The following PARD3B variants were observed in gnomAD, a reference collection of about 807,000 sequenced individuals.
The protein encoded by PARD3B is par-3 family cell polarity regulator beta.
PARD3B carries 103 observed loss-of-function variants against 130.2 expected under a neutral mutation model. That is an observed-to-expected ratio of 0.79 (90% CI 0.67 to 0.93). PARD3B has a LOEUF of 0.93. Among genes scored for constraint, PARD3B ranks in the 40% least tolerant of loss-of-function variants. The pLI is 0.00. For missense variants in PARD3B, 1,609 were observed against 1,499.2 expected (o/e 1.07, Z -1.21); for synonymous variants, 583 against 553.2 (o/e 1.05, Z -0.76).
intron 18 of PARD3B, among the ~76,000 whole-genome samples, chr2:205,356,584 C>G (rs137950139): frequency 6.6e-6 from 1 of 151,934 alleles, no homozygotes; most frequent in East Asian, 1.9e-4. Context: ...CTCTGCTGAG[C>G]GTACATATAA....
intron 1 of PARD3B, among the ~76,000 whole-genome samples, chr2:204,617,778 T>G (rs13024650): frequency 2.0e-5 from 3 of 152,060 alleles, no homozygotes; most frequent in Non-Finnish European, 4.4e-5. Context: ...CTTCCACTTA[T>G]AAGTGACAGT....
At chr2:204,924,769 A>T (rs1486796730) in intron 2 of PARD3B, among the ~76,000 whole-genome samples, 1 of 152,086 alleles carries the variant, frequency 6.6e-6, no homozygotes, top group Non-Finnish European at 1.5e-5. Context: ...TCACAAACTG[A>T]AATAAGTGAA....
intron 20 of PARD3B, among the ~76,000 whole-genome samples, chr2:205,474,320 T>C (rs938937609): frequency 6.6e-6 from 1 of 152,164 alleles, no homozygotes; most frequent in South Asian, 2.1e-4. Flanking sequence ...AGTATTTTCA[T>C]CCAGTGTTTC....
intron 3 of PARD3B, among the ~76,000 whole-genome samples, chr2:204,981,222 C>G (rs56066910): frequency 6.6e-6 from 1 of 151,954 alleles, no homozygotes; most frequent in Admixed American, 6.6e-5. Flanking sequence ...CCTAGGTAAC[C>G]TAGGTAATTC....
intron 21 of PARD3B, among the ~76,000 whole-genome samples, chr2:205,549,977 G>A (rs879908381): frequency 6.6e-6 from 1 of 152,106 alleles, no homozygotes; most frequent in Admixed American, 6.6e-5. Flanking sequence ...CAGTGGTGGT[G>A]GTAACAGCAA....
rs1402803468 is a variant in PARD3B, at chr2:204,991,270, C to T, written c.394+25947C>T. 3.5e-5 allele frequency among the ~76,000 whole-genome samples: 5 copies of T among 142,840 alleles called. No individual in the cohort carries two copies. The East Asian group carries it at 1.1e-3, about 30-fold the overall frequency. The allele number at this position is 142,840 out of a possible 152,430, so 93.7% of individuals were successfully genotyped here. A position where few individuals can be genotyped will look rare whatever the true frequency, so the allele number is the denominator to read the frequency against. The stretch of plus-strand genomic sequence containing the variant: ...GTCCCCAGAGTGTGATATTCCCCTT[C>T]CTGTGTCCATGTGATCTCATTGTTC... On this transcript the variant is annotated intron_variant, in intron 3 of 22. Coordinates refer to ENST00000406610, the MANE Select transcript of PARD3B (RefSeq NM_001302769.2).
chr2:205,106,455 A>G (rs1703219501), intron 5 of PARD3B, among the ~76,000 whole-genome samples: 2 of 151,854 alleles, frequency 1.3e-5, no homozygotes, highest in Non-Finnish European at 2.9e-5. Flanking sequence ...GGCCAAAAAC[A>G]TATATATTCT....
intron 2 of PARD3B, among the ~76,000 whole-genome samples, chr2:204,760,691 C>T (rs1037836297): frequency 1.3e-5 from 2 of 152,064 alleles, no homozygotes; most frequent in Non-Finnish European, 2.9e-5. Context: ...GTGTGGAAAG[C>T]TCTATGTTCT....
At chr2:205,420,384 C>G (rs2046927558) in intron 19 of PARD3B, among the ~76,000 whole-genome samples, 1 of 152,176 alleles carries the variant, frequency 6.6e-6, no homozygotes, top group Non-Finnish European at 1.5e-5. Flanking sequence ...ACTATTATAT[C>G]TCTCATTTGC....
intron 16 of PARD3B, among the ~76,000 whole-genome samples, chr2:205,270,655 G>C (rs757585884): frequency 2.0e-5 from 3 of 152,130 alleles, no homozygotes; most frequent in Non-Finnish European, 4.4e-5. Context: ...CACCTAGTAA[G>C]TAGTATAGAA....
At chr2:204,638,694 G>A (rs1419392809) in intron 1 of PARD3B, among the ~76,000 whole-genome samples, 1 of 151,948 alleles carries the variant, frequency 6.6e-6, no homozygotes, top group Admixed American at 6.6e-5. Context: ...GGGGGAGGAG[G>A]GGGACTTCAA....
chr2:204,676,920 G>A (rs935995616), intron 1 of PARD3B, among the ~76,000 whole-genome samples: 2 of 151,956 alleles, frequency 1.3e-5, no homozygotes, highest in African/African-American at 2.4e-5. Flanking sequence ...CACCCACCTC[G>A]GCCTCCCAAA....
At chr2:204,594,595 C>T (rs1235718436) in intron 1 of PARD3B, among the ~76,000 whole-genome samples, 2 of 152,188 alleles carry the variant, frequency 1.3e-5, no homozygotes, top group Non-Finnish European at 2.9e-5. Context: ...TTTGGCATCC[C>T]AGTGCTCAGC....
intron 2 of PARD3B, among the ~76,000 whole-genome samples, chr2:204,754,048 T>C (rs1182515361): frequency 6.6e-6 from 1 of 152,192 alleles, no homozygotes; most frequent in East Asian, 1.9e-4. Context: ...GTAAAGTTAC[T>C]GTGGCTTTCT....
intron 1 of PARD3B, among the ~76,000 whole-genome samples, chr2:204,604,468 A>G (rs921713346): frequency 6.6e-6 from 1 of 152,204 alleles, no homozygotes; most frequent in African/African-American, 2.4e-5. Flanking sequence ...TTTCCAATGG[A>G]CATTTTTAGA....
chr2:205,129,121 T>C (rs2031743963), intron 10 of PARD3B, among the ~76,000 whole-genome samples: 1 of 152,226 alleles, frequency 6.6e-6, no homozygotes, highest in Non-Finnish European at 1.5e-5. Flanking sequence ...CTAGCAAATA[T>C]CTAGACTCTC....
chr2:205,009,582 A>G (rs1445867833), intron 3 of PARD3B, among the ~76,000 whole-genome samples: 2 of 151,636 alleles, frequency 1.3e-5, no homozygotes, highest in Non-Finnish European at 2.9e-5. Context: ...GAGGCAGGAG[A>G]ATGGCGTGAA....
At chr2:205,367,627 G>A (rs2044658333) in intron 18 of PARD3B, among the ~76,000 whole-genome samples, 1 of 152,148 alleles carries the variant, frequency 6.6e-6, no homozygotes, top group South Asian at 2.1e-4. Context: ...AGAAGATTGG[G>A]AGTATTAGTA....
chr2:204,574,055 G>A (rs867110016), intron 1 of PARD3B, among the ~76,000 whole-genome samples: 1 of 152,126 alleles, frequency 6.6e-6, no homozygotes, highest in African/African-American at 2.4e-5. Flanking sequence ...CCTATTTGTG[G>A]CCTTTCTTCT....
Sources: allele counts gnomAD v4.1 joint callset (sites outside exome capture counted in the v4.1 genomes callset), GRCh38; gene constraint gnomAD v4.1.1; transcripts MANE v1.5; gene names NCBI Gene and HGNC (gene_info 2026-07-23, HGNC 2026-07-21).